The following KCNK7 variants were observed in gnomAD, a reference collection of about 807,000 sequenced individuals.
KCNK7 encodes potassium two pore domain channel subfamily K member 7, also known as potassium channel subfamily K member 7.
KCNK7 carries 14 observed loss-of-function variants against 18.1 expected under a neutral mutation model. That is an observed-to-expected ratio of 0.77 (90% CI 0.51 to 1.21). The LOEUF is 1.21. KCNK7 is among the 50% of genes most tolerant of loss of function. KCNK7 has a pLI of 0.00. For missense variants in KCNK7, 385 were observed against 387.3 expected (o/e 0.99, Z 0.05); for synonymous variants, 188 against 184.7 (o/e 1.02, Z -0.15).
intron 2 of KCNK7, 75 bp downstream of exon 2, chr11:65,593,401 C>G (rs1858468654): frequency 3.1e-6 from 5 of 1,613,662 alleles, no homozygotes; most frequent in African/African-American, 1.3e-5. Flanking sequence ...GCCCAGCCCC[C>G]CAGTGATTTA....
Position 65,595,775 on chromosome 11 carries a change from C to G in KCNK7, c.-3G>C. 6.7e-7 allele frequency: 1 copy of G among 1,501,860 alleles called. No homozygotes were observed. 93.0% of individuals were successfully genotyped at this position (1,501,860 alleles called of 1,614,324 possible). ...GACCAGGGCCTTAGACCCCCCATGG[C>G]AGGCCGCTGGGGTGCTGTGGGAACT... On this transcript the variant is annotated 5_prime_UTR_variant, in exon 1 of 3. Transcript: ENST00000340313.
In KCNK7 at chr11:65,592,840, T is replaced by C; in HGVS notation, c.*165A>G. The C allele has an allele frequency of 4.6e-6, 4 of 861,884 alleles. No homozygotes were observed. The highest frequency in any genetic ancestry group is 6.9e-6 in the Non-Finnish European group (4 of 577,584). 53.4% of individuals were successfully genotyped at this position (861,884 alleles called of 1,614,324 possible). On this transcript the variant is annotated 3_prime_UTR_variant, in exon 3 of 3. Coordinates refer to ENST00000340313, the MANE Select transcript of KCNK7 (RefSeq NM_033347.2). Reference sequence around the variant, plus strand: ...TCAGGGAAGTCCCATTCGAAATAGTTGAAAATAGCCGAAGTCGTTGCTCAT... The same window carrying C: ...TCAGGGAAGTCCCATTCGAAATAGTCGAAAATAGCCGAAGTCGTTGCTCAT...
At position 65,595,638 on chromosome 11, in the gene KCNK7, T is replaced by C. The variant is rs1177257421; in HGVS notation, c.135A>G (p.Ala45=). ...GCTCTGCCTGGAAGGCTGCCAGCTC[T>C]GCCCTGAGCTCAGCCTGAAGCCTGC... ...PACRLQAELR[A]ELAAFQAEHR... Residue 45 remains alanine (A), a synonymous_variant, in exon 1 of 3, where the codon GCA becomes GCG. Transcript: ENST00000340313. The C allele has an allele frequency of 3.7e-6, 6 of 1,604,852 alleles. No homozygotes were observed. In the Admixed American group the frequency reaches 6.8e-5, roughly 18 times the overall value.
Position 65,593,684 on chromosome 11 carries a change from C to T in KCNK7, c.510G>A (p.Gln170=), listed in dbSNP as rs554374093. Residue 170 remains glutamine (Q), a synonymous_variant, in exon 2 of 3, where the codon CAG becomes CAA. Coordinates refer to ENST00000340313, the MANE Select transcript of KCNK7 (RefSeq NM_033347.2). ...QLSPARAALL[Q]AVALGLLVAS... is the part of the protein sequence containing the mutation. ...CCACCAGCAGTCCCAGTGCAACTGC[C>T]TGCAGCAGCGCAGCCCTGGCCGGTG... 1.9e-6 allele frequency: 3 copies of T among 1,606,858 alleles called. No homozygotes were observed. In the African/African-American group the frequency reaches 4.0e-5, roughly 21 times the overall value.
chr11:65,593,567 C>T lies in KCNK7; in HGVS notation c.627G>A (p.Ser209=), dbSNP rs552465979. ...LLGAVYFCFS[S]LSTIGLEDLL... Reference sequence around the variant, plus strand: ...AGTCCTCCAGGCCAATGGTGCTGAGCGAGCTGAAGCAGAAGTAGACGGCCC... The same window carrying T: ...AGTCCTCCAGGCCAATGGTGCTGAGTGAGCTGAAGCAGAAGTAGACGGCCC... The change falls in exon 2 of 3, where the codon TCG becomes TCA. Residue 209 remains serine (S), a synonymous_variant. Coordinates refer to ENST00000340313, the MANE Select transcript of KCNK7 (RefSeq NM_033347.2). 1.7e-5 allele frequency: 27 copies of T among 1,608,666 alleles called. No homozygotes were observed. Among genetic ancestry groups the T allele is most frequent in the Middle Eastern group, 1.6e-4 (1 of 6,084 alleles).
rs1051618887 is a variant in KCNK7 at position 65,595,303 on chromosome 11, G to C, written c.319+151C>G. On this transcript the variant is annotated intron_variant, in intron 1 of 2. Transcript: ENST00000340313. Reference sequence around the variant, plus strand: ...AGGCACCAGTTGGGGTGTGTTGGTGGGGAGCCCCAGCTGTGATGTCAGGCC... The same window carrying C: ...AGGCACCAGTTGGGGTGTGTTGGTGCGGAGCCCCAGCTGTGATGTCAGGCC... The C allele has an allele frequency of 3.6e-5, 23 of 636,324 alleles. No homozygotes were observed. In the African/African-American group the frequency reaches 4.3e-4, roughly 12 times the overall value. 39.4% of individuals were successfully genotyped at this position (636,324 alleles called of 1,614,324 possible). A position where few individuals can be genotyped will look rare whatever the true frequency, so the allele number is the denominator to read the frequency against.
intron 1 of KCNK7, 29 bp downstream of exon 1, chr11:65,595,425 C>T (rs1481476106): frequency 7.1e-7 from 1 of 1,411,552 alleles, no homozygotes; most frequent in Non-Finnish European, 9.4e-7. Flanking sequence ...GGAGCCGCAC[C>T]CCCCGACTTG....
rs747476117 is a variant in KCNK7 at position 65,593,092 on chromosome 11, G to A, written c.837C>T (p.Asp279=). Residue 279 remains aspartate (D), a synonymous_variant, in exon 3 of 3, where the codon GAC becomes GAT. Coordinates refer to ENST00000340313, the MANE Select transcript of KCNK7 (RefSeq NM_033347.2). The part of the protein sequence containing the change: ...FRPSGPVTAE[D]QGGILGQDEL... ...CATCCTGCCCTAGGATGCCACCTTG[G>A]TCCTCAGCAGTCACAGGACCACTGG... The A allele has an allele frequency of 1.9e-6, 3 of 1,613,802 alleles. No homozygotes were observed. The highest frequency in any genetic ancestry group is 2.5e-6 in the Non-Finnish European group (3 of 1,179,932).
At chr11:65,593,375 T>A (rs1308947186) in intron 2 of KCNK7, 101 bp downstream of exon 2, 2 of 1,613,402 alleles carry the variant, frequency 1.2e-6, no homozygotes, top group Non-Finnish European at 1.7e-6. Flanking sequence ...TGGAGTGAGG[T>A]CCCTCCACCT....
At position 65,595,741 on chromosome 11, in the gene KCNK7, C is replaced by A. The variant is rs1206341799; in HGVS notation, c.32G>T (p.Gly11Val). MGGLRPWSRY[G>V]LLVVAHLLAL... ...CAGCAAGTGGGCCACAACCAGGAGC[C>A]CGTATCGGGACCAGGGCCTTAGACC... The change falls in exon 1 of 3, where the codon GGG becomes GTG. Residue 11 changes from glycine to valine, a missense_variant. By Grantham distance (109) the Gly-to-Val change is moderately radical. Transcript: ENST00000340313. 1.3e-6 allele frequency: 2 copies of A among 1,571,292 alleles called. No homozygotes were observed. Among genetic ancestry groups the A allele is most frequent in the Admixed American group, 1.8e-5 (1 of 56,000 alleles).
intron 1 of KCNK7, among the ~76,000 whole-genome samples, chr11:65,594,492 C>A (rs1275994074): frequency 6.6e-6 from 1 of 152,200 alleles, no homozygotes; most frequent in Non-Finnish European, 1.5e-5. Context: ...ATCCAAAGGG[C>A]AGGCCCCATT....
chr11:65,593,459 T>TAC lies in KCNK7; in HGVS notation c.718+16_718+17insGT, dbSNP rs1565138148. ...TCTTCCCCCTTCCCCCACACGCTGT[T>TAC]AGGTGGCTGGACTTACCAAGAAGTG... On this transcript the variant is annotated intron_variant, in intron 2 of 2. Coordinates refer to ENST00000340313, the MANE Select transcript of KCNK7 (RefSeq NM_033347.2). 4 of 1,613,644 alleles carry TAC rather than the reference T, an allele frequency of 2.5e-6. No individual in the cohort carries two copies. Among genetic ancestry groups the TAC allele is most frequent in the Admixed American group, 1.7e-5 (1 of 60,014 alleles).
chr11:65,593,588 G>T lies in KCNK7; in HGVS notation c.606C>A (p.Ala202=). Residue 202 remains alanine, a synonymous_variant, in exon 2 of 3, where the codon GCC becomes GCA. Coordinates refer to ENST00000340313, the MANE Select transcript of KCNK7 (RefSeq NM_033347.2). ...TGAGCGAGCTGAAGCAGAAGTAGAC[G>T]GCCCCCAGCAGGCTGCAGTCGCCCT... ...GLQGDCSLLG[A]VYFCFSSLST... 6 of 1,606,566 alleles carry T rather than the reference G, an allele frequency of 3.7e-6. No homozygotes were observed. The highest frequency in any genetic ancestry group is 5.1e-6 in the Non-Finnish European group (6 of 1,179,908).
chr11:65,592,898 G>C lies in KCNK7; in HGVS notation c.*107C>G. The C allele has an allele frequency of 1.5e-6, 2 of 1,348,138 alleles. No individual in the cohort carries two copies. The highest frequency in any genetic ancestry group is 1.0e-6 in the Non-Finnish European group (1 of 1,001,764). 83.5% of individuals were successfully genotyped at this position (1,348,138 alleles called of 1,614,324 possible). A position where few individuals can be genotyped will look rare whatever the true frequency, so the allele number is the denominator to read the frequency against. On this transcript the variant is annotated 3_prime_UTR_variant, in exon 3 of 3. Transcript: ENST00000340313. Reference sequence around the variant, plus strand: ...TTAACAGTATCCTCTGAGGCCTCCCGCCCACCCTCACCGCGGCTCCATCTC... The same window carrying C: ...TTAACAGTATCCTCTGAGGCCTCCCCCCCACCCTCACCGCGGCTCCATCTC...
In KCNK7 at chr11:65,593,591, C is replaced by T. The variant is rs1383348966; in HGVS notation, c.603G>A (p.Gly201=). Residue 201 remains glycine, a synonymous_variant, in exon 2 of 3, where the codon GGG becomes GGA. Transcript: ENST00000340313. ...GCGAGCTGAAGCAGAAGTAGACGGC[C>T]CCCAGCAGGCTGCAGTCGCCCTGAA... The part of the protein sequence containing the change: ...WGLQGDCSLL[G]AVYFCFSSLS... The T allele has an allele frequency of 4.4e-6, 7 of 1,606,194 alleles. No homozygotes were observed. The highest frequency in any genetic ancestry group is 1.3e-5 in the African/African-American group (1 of 74,926).
rs1590848122 is a variant in KCNK7 at position 65,593,811 on chromosome 11, A to C, written c.383T>G (p.Leu128Arg). 2 of 1,597,500 alleles carry C rather than the reference A, an allele frequency of 1.3e-6. No individual in the cohort carries two copies. Among genetic ancestry groups the C allele is most frequent in the African/African-American group, 2.7e-5 (2 of 74,632 alleles). ...GKAFCMVYAA[L>R]GLPASLALVA... ...GAGAGCTAAGGAGGCTGGCAGCCCC[A>C]GGGCTGCATAGACCATGCAGAAGGC... Residue 128 changes from leucine (L) to arginine (R), a missense_variant, in exon 2 of 3, where the codon CTG becomes CGG. By Grantham distance (102) the Leu-to-Arg change is moderately radical. Transcript: ENST00000340313.
Position 65,595,635 on chromosome 11 carries a change from C to G in KCNK7, c.138G>C (p.Glu46Asp), listed in dbSNP as rs1472275414. 5 of 1,604,886 alleles carry G rather than the reference C, an allele frequency of 3.1e-6. No individual in the cohort carries two copies. The highest frequency in any genetic ancestry group is 2.7e-5 in the African/African-American group (2 of 74,814). Residue 46 changes from glutamate to aspartate, a missense_variant, in exon 1 of 3, where the codon GAG (glutamate) becomes GAC (aspartate). Transcript: ENST00000340313. ...ACRLQAELRA[E>D]LAAFQAEHRA... ...TATGCTCTGCCTGGAAGGCTGCCAG[C>G]TCTGCCCTGAGCTCAGCCTGAAGCC...
In KCNK7 at chr11:65,593,779, T is replaced by C. The variant is rs1183903403; in HGVS notation, c.415A>G (p.Thr139Ala). Residue 139 changes from threonine to alanine, a missense_variant, in exon 2 of 3, where the codon ACC (threonine) becomes GCC (alanine). Physicochemically the swap from Thr to Ala is moderately conservative, Grantham distance 58 (BLOSUM62 0). Coordinates refer to ENST00000340313, the MANE Select transcript of KCNK7 (RefSeq NM_033347.2). ...GLPASLALVA[T>A]LRHCLLPVLS... ...ACAGGCAGCAGGCAATGGCGCAGGG[T>C]GGCCACGAGAGCTAAGGAGGCTGGC... 6.2e-7 allele frequency: 1 copy of C among 1,609,966 alleles called. No individual in the cohort carries two copies. Among genetic ancestry groups the C allele is most frequent in the Non-Finnish European group, 8.5e-7 (1 of 1,178,258 alleles).
intron 1 of KCNK7, 37 bp from the exon 2 acceptor site, chr11:65,593,911 G>C: frequency 6.7e-7 from 1 of 1,501,802 alleles, no homozygotes; most frequent in African/African-American, 1.4e-5. Flanking sequence ...TGAGAGCTCT[G>C]AGTGCCATGT....
Sources: gnomAD v4.1 joint callset for allele counts (sites outside exome capture counted in the v4.1 genomes callset) on GRCh38, gnomAD v4.1.1 for gene constraint, MANE v1.5 for transcripts, NCBI Gene and HGNC (gene_info 2026-07-23, HGNC 2026-07-21) for gene names.